The following PPM1L variants were observed in gnomAD, a reference collection of about 807,000 sequenced individuals.
The protein encoded by PPM1L is protein phosphatase, Mg2+/Mn2+ dependent 1L, also known as protein phosphatase 1L.
Under a neutral mutation model 31.4 loss-of-function variants are expected in PPM1L, and 13 were observed. That is an observed-to-expected ratio of 0.41 (90% CI 0.27 to 0.66). PPM1L has a LOEUF of 0.66. PPM1L is among the 30% of genes least tolerant of loss of function. PPM1L has a pLI of 0.29. For missense variants in PPM1L, 326 were observed against 453.7 expected (o/e 0.72, Z 2.56); for synonymous variants, 184 against 175.4 (o/e 1.05, Z -0.39).
rs539252276 is a variant in PPM1L, at chr3:160,915,838, G to C, written c.400-45898G>C. On this transcript the variant is annotated intron_variant, in intron 1 of 3. Coordinates refer to ENST00000498165, the MANE Select transcript of PPM1L (RefSeq NM_139245.4). ...ATTCCCTATTTAATAAATGGTGCTG[G>C]GAAAACTGGCTAGCCATATGTAGAA... Among the ~76,000 whole-genome samples the C allele has an allele frequency of 6.8e-4, 104 of 152,236 alleles. 1 individual carries two copies. Among genetic ancestry groups the C allele is most frequent in the Admixed American group, 6.3e-3 (97 of 15,292 alleles).
chr3:160,829,859 T>C (rs780225543), intron 1 of PPM1L, among the ~76,000 whole-genome samples: 1 of 152,164 alleles, frequency 6.6e-6, no homozygotes, highest in Non-Finnish European at 1.5e-5. Flanking sequence ...GCAAAAATCC[T>C]GAGCTTTTGT....
chr3:161,004,002 G>T (rs1232499502), intron 2 of PPM1L, among the ~76,000 whole-genome samples: 1 of 148,390 alleles, frequency 6.7e-6, no homozygotes. Context: ...TTATTATTTT[G>T]AGATACGTCC....
intron 2 of PPM1L, among the ~76,000 whole-genome samples, chr3:160,989,653 C>T (rs943343758): frequency 6.6e-5 from 10 of 152,072 alleles, no homozygotes; most frequent in Admixed American, 2.0e-4. Flanking sequence ...TGAGCCACCA[C>T]GCCCAGCCTA....
chr3:160,951,110 T>C (rs878954), intron 1 of PPM1L, among the ~76,000 whole-genome samples: 132,667 of 152,000 alleles, frequency 0.87, 58,051 homozygotes, highest in Middle Eastern at 0.93. Flanking sequence ...AGGAACTCAC[T>C]CATAACAAAA....
rs561577250 is a variant in PPM1L, at chr3:160,901,932, G to T, written c.400-59804G>T. ...TAAGTTGGTCTCATTTGTTCATTTT[G>T]TCAAAAAAATCCTTTTAAATTTCTG... On this transcript the variant is annotated intron_variant, in intron 1 of 3. Transcript: ENST00000498165. 6.9e-4 allele frequency among the ~76,000 whole-genome samples: 105 copies of T among 151,928 alleles called. 1 individual carries two copies. The highest frequency in any genetic ancestry group is 3.4e-3 in the Middle Eastern group (1 of 294).
chr3:160,797,165 GTC>G (rs1191702843), intron 1 of PPM1L, among the ~76,000 whole-genome samples: 1 of 152,018 alleles, frequency 6.6e-6, no homozygotes, highest in Non-Finnish European at 1.5e-5. Context: ...CTTACTTCTT[GTC>G]TCTGTCATAT....
intron 1 of PPM1L, among the ~76,000 whole-genome samples, chr3:160,863,455 A>G (rs1233723106): frequency 2.0e-5 from 3 of 152,082 alleles, no homozygotes; most frequent in African/African-American, 7.2e-5. Context: ...ATTGTTTCCT[A>G]CAGAAATTTA....
chr3:160,961,772 G>T lies in PPM1L; in HGVS notation c.436G>T (p.Ala146Ser), dbSNP rs1204915507. Residue 146 changes from alanine to serine, a missense_variant, in exon 2 of 4, where the codon GCC (alanine) becomes TCC (serine). Ala to Ser is a moderately conservative substitution (Grantham distance 99). Transcript: ENST00000498165. ...AEYVKSRLPE[A>S]LKQHLQDYEK... ...ATATGTAAAATCTCGACTCCCAGAG[G>T]CCCTTAAACAGCATCTTCAGGACTA... 2.5e-6 allele frequency: 4 copies of T among 1,595,850 alleles called. No homozygotes were observed. The highest frequency in any genetic ancestry group is 2.7e-5 in the African/African-American group (2 of 73,764).
At position 160,986,428 on chromosome 3, in the gene PPM1L, C is replaced by G. The variant is rs114107702; in HGVS notation, c.574+24518C>G. 8.9e-3 allele frequency among the ~76,000 whole-genome samples: 1,347 copies of G among 151,428 alleles called. 22 individuals carry two copies. The highest frequency in any genetic ancestry group is 0.031 in the African/African-American group (1,278 of 41,436). The stretch of plus-strand genomic sequence containing the variant: ...CTGAGTTTTACACAATTTAGAGAAC[C>G]CTCTTTAGGAAAAAAATAAAAAATA... On this transcript the variant is annotated intron_variant, in intron 2 of 3. Transcript: ENST00000498165.
intron 1 of PPM1L, among the ~76,000 whole-genome samples, chr3:160,823,368 A>ATTTTTTTTTTTTTT (rs199918303): frequency 7.0e-6 from 1 of 142,154 alleles, no homozygotes; most frequent in Non-Finnish European, 1.5e-5. Flanking sequence ...TGTATAAATG[A>ATTTTTTTTTTTTTT]TTTTTTTTTT....
intron 1 of PPM1L, among the ~76,000 whole-genome samples, chr3:160,788,524 G>A (rs1257907404): frequency 1.4e-5 from 2 of 147,292 alleles, no homozygotes; most frequent in Non-Finnish European, 3.0e-5. Context: ...AATATATTTT[G>A]TAGTTTGTTA....
At chr3:160,952,978 ATT>A (rs1289225648) in intron 1 of PPM1L, among the ~76,000 whole-genome samples, 1 of 152,150 alleles carries the variant, frequency 6.6e-6, no homozygotes, top group Non-Finnish European at 1.5e-5. Flanking sequence ...AATTTATAAA[ATT>A]GTGAAATTTG....
At chr3:161,058,047 A>G (rs1000975618) in intron 2 of PPM1L, among the ~76,000 whole-genome samples, 1 of 150,450 alleles carries the variant, frequency 6.6e-6, no homozygotes, top group Non-Finnish European at 1.5e-5. Flanking sequence ...TGAGTTCCAG[A>G]GAGGTTAAGT....
chr3:160,863,211 AC>A (rs1711966215), intron 1 of PPM1L, among the ~76,000 whole-genome samples: 2 of 152,212 alleles, frequency 1.3e-5, no homozygotes. Context: ...GTGATTTTAA[AC>A]TGAAGATGAT....
intron 1 of PPM1L, among the ~76,000 whole-genome samples, chr3:160,785,776 G>T (rs1164483227): frequency 6.7e-6 from 1 of 148,630 alleles, no homozygotes; most frequent in Non-Finnish European, 1.5e-5. Context: ...CATGTAAGTT[G>T]TTCCTTCATT....
chr3:160,965,720 A>G (rs183618910), intron 2 of PPM1L, among the ~76,000 whole-genome samples: 75 of 152,084 alleles, frequency 4.9e-4, no homozygotes, highest in Non-Finnish European at 2.5e-4. Context: ...GCTTCTTTCT[A>G]TTCTATCTTA....
intron 1 of PPM1L, among the ~76,000 whole-genome samples, chr3:160,841,306 C>T (rs986418761): frequency 3.3e-5 from 5 of 151,618 alleles, no homozygotes; most frequent in African/African-American, 9.7e-5. Context: ...ACTCAATGAG[C>T]ACAATGGTTA....
intron 1 of PPM1L, among the ~76,000 whole-genome samples, chr3:160,951,488 T>A (rs1715575234): frequency 6.6e-6 from 1 of 152,178 alleles, no homozygotes; most frequent in African/African-American, 2.4e-5. Flanking sequence ...GTTTGATAAT[T>A]TGGCAAAATT....
intron 1 of PPM1L, among the ~76,000 whole-genome samples, chr3:160,834,089 T>G (rs937120406): frequency 1.4e-5 from 2 of 147,246 alleles, no homozygotes; most frequent in African/African-American, 2.5e-5. Flanking sequence ...AGTGGCACAA[T>G]CTCGGTTCAC....
Sources: gnomAD v4.1 joint callset for allele counts (sites outside exome capture counted in the v4.1 genomes callset) on GRCh38, gnomAD v4.1.1 for gene constraint, MANE v1.5 for transcripts, NCBI Gene and HGNC (gene_info 2026-07-23, HGNC 2026-07-21) for gene names.